Variants in JDP2 observed in about 807,000 individuals in gnomAD.
The protein encoded by JDP2 is progesterone receptor co-activator.
JDP2 carries 9 observed loss-of-function variants against 17.1 expected under a neutral mutation model. That is an observed-to-expected ratio of 0.53 (90% CI 0.32 to 0.92). The LOEUF is 0.92. JDP2 is among the 40% of genes least tolerant of loss of function. JDP2 has a pLI of 0.04. For missense variants in JDP2, 179 were observed against 220.0 expected (o/e 0.81, Z 1.18); for synonymous variants, 107 against 95.6 (o/e 1.12, Z -0.69).
chr14:75,434,164 A>G (rs1884951764), intron 1 of JDP2, among the ~76,000 whole-genome samples: 2 of 152,024 alleles, frequency 1.3e-5, no homozygotes, highest in Non-Finnish European at 2.9e-5. Flanking sequence ...CCTTTTTTAT[A>G]GATCCCTAAA....
intron 1 of JDP2, among the ~76,000 whole-genome samples, chr14:75,431,868 A>T (rs879375959): frequency 2.6e-5 from 4 of 152,236 alleles, no homozygotes; most frequent in Non-Finnish European, 5.9e-5. Context: ...GGCCACACTG[A>T]CTTCACTCTT....
At chr14:75,461,395 G>A (rs1886339994) in intron 2 of JDP2, 31 bp from the exon 3 acceptor site, 1 of 1,534,394 alleles carries the variant, frequency 6.5e-7, no homozygotes, top group Non-Finnish European at 8.9e-7. Context: ...GCCTGCCTCA[G>A]TGTCTAATCA....
rs953249808 is a variant in JDP2, at chr14:75,428,147, ACCGGGCGGAGCTCCGCGG to A, written c.-120_-103del. ...CTCCCGGGCCGGGACAGGCCTGGGC[ACCGGGCGGAGCTCCGCGG>A]CCGGGCGGCAGCGGCGCGGAGCGGG... On this transcript the variant is annotated 5_prime_UTR_variant, in exon 1 of 4. Transcript: ENST00000651602. This position sits in a 1 kb window ranked among gnomAD's most constrained non-coding sequence, Gnocchi z 5.6. The A allele has an allele frequency of 6.2e-5, 9 of 144,858 alleles. 1 individual carries two copies. The highest frequency in any genetic ancestry group is 2.1e-4 in the East Asian group (1 of 4,872). 9.0% of individuals were successfully genotyped at this position (144,858 alleles called of 1,614,324 possible). A position where few individuals can be genotyped will look rare whatever the true frequency, so the allele number is the denominator to read the frequency against.
chr14:75,437,462 G>C (rs887993554), intron 1 of JDP2, among the ~76,000 whole-genome samples: 1 of 152,242 alleles, frequency 6.6e-6, no homozygotes, highest in Non-Finnish European at 1.5e-5. Flanking sequence ...TCTCTTCAGA[G>C]ACTGTATGCT....
At chr14:75,462,431 A>G (rs1012829039) in intron 3 of JDP2, among the ~76,000 whole-genome samples, 6 of 152,228 alleles carry the variant, frequency 3.9e-5, no homozygotes, top group Non-Finnish European at 5.9e-5. Flanking sequence ...GCTGTGCTGA[A>G]TGCTGTATGT....
chr14:75,441,068 C>G (rs992109765), intron 2 of JDP2, among the ~76,000 whole-genome samples: 1 of 152,130 alleles, frequency 6.6e-6, no homozygotes, highest in Non-Finnish European at 1.5e-5. Context: ...ATGACATTGT[C>G]TGATGAGTGC....
intron 2 of JDP2, among the ~76,000 whole-genome samples, chr14:75,452,902 T>A (rs1469635162): frequency 6.6e-6 from 1 of 152,224 alleles, no homozygotes; most frequent in Non-Finnish European, 1.5e-5. Flanking sequence ...ATTTCACAGC[T>A]GAGGCCCAGA....
intron 2 of JDP2, among the ~76,000 whole-genome samples, chr14:75,456,295 C>G (rs1317808485): frequency 6.6e-6 from 1 of 152,256 alleles, no homozygotes; most frequent in Admixed American, 6.5e-5. Context: ...GCATGTTTCT[C>G]TCCCTGTGGC....
intron 2 of JDP2, among the ~76,000 whole-genome samples, chr14:75,450,347 G>A (rs1460949908): frequency 1.3e-5 from 2 of 152,232 alleles, no homozygotes; most frequent in Admixed American, 1.3e-4. Context: ...TTCCTGGCCT[G>A]AGGATGCAGC....
chr14:75,436,448 A>G (rs934052828), intron 1 of JDP2, among the ~76,000 whole-genome samples: 1 of 152,238 alleles, frequency 6.6e-6, no homozygotes, highest in African/African-American at 2.4e-5. Flanking sequence ...TTCCCTCAGG[A>G]GTGCTAAGCC....
rs975673627 is a variant in JDP2, at chr14:75,428,552, TC to T, written c.-24+302del. On this transcript the variant is annotated intron_variant, in intron 1 of 3. Coordinates refer to ENST00000651602, the MANE Select transcript of JDP2 (RefSeq NM_001135048.2). The surrounding 1 kb of genome is among the most constrained non-coding windows in gnomAD (Gnocchi z 5.6). ...CTCCCTCCTTCTCCCTCCCGCGCTC[TC>T]CTCCCCCGTCCGTTTGCAGGGAGGT... The T allele has an allele frequency of 6.6e-6, 1 of 152,108 alleles. No homozygotes were observed. Among genetic ancestry groups the T allele is most frequent in the Non-Finnish European group, 1.5e-5 (1 of 68,042 alleles). The allele number at this position is 152,108 out of a possible 1,614,324, so 9.4% of individuals were successfully genotyped here. A position where few individuals can be genotyped will look rare whatever the true frequency, so the allele number is the denominator to read the frequency against.
In JDP2 at chr14:75,468,540, TC is replaced by T. The variant is rs1483387038; in HGVS notation, c.307-747del. Reference sequence around the variant, plus strand: ...CGATGGACATGTAACCCTCGCCACCTCCCGAATCAAATCGTCAACATTCCTT... The same window carrying T: ...CGATGGACATGTAACCCTCGCCACCTCCGAATCAAATCGTCAACATTCCTT... On this transcript the variant is annotated intron_variant, in intron 3 of 3. Transcript: ENST00000651602. Among the ~76,000 whole-genome samples the T allele has an allele frequency of 2.0e-5, 3 of 152,254 alleles. No individual in the cohort carries two copies. In the South Asian group the frequency reaches 6.2e-4, roughly 32 times the overall value.
chr14:75,440,014 C>A (rs1258336810), intron 2 of JDP2, among the ~76,000 whole-genome samples: 1 of 152,182 alleles, frequency 6.6e-6, no homozygotes, highest in Non-Finnish European at 1.5e-5. Context: ...ACTGGAGGAA[C>A]TCTTCCCTTT....
chr14:75,445,547 G>T lies in JDP2; in HGVS notation c.201+7426G>T, dbSNP rs1407294173. The T allele has an allele frequency of 1.2e-5, 12 of 985,258 alleles. No individual in the cohort carries two copies. The Admixed American group carries it at 6.8e-4, about 56-fold the overall frequency. 61.0% of individuals were successfully genotyped at this position (985,258 alleles called of 1,614,324 possible). A position where few individuals can be genotyped will look rare whatever the true frequency, so the allele number is the denominator to read the frequency against. ...GGCAATGTAGCAAAGCAGGACTGCTGCATTGGAATAGTTTGGCTCTGGAGA... is the reference window on the plus strand; with the variant it reads ...GGCAATGTAGCAAAGCAGGACTGCTTCATTGGAATAGTTTGGCTCTGGAGA... On this transcript the variant is annotated intron_variant, in intron 2 of 3. Coordinates refer to ENST00000651602, the MANE Select transcript of JDP2 (RefSeq NM_001135048.2).
intron 2 of JDP2, among the ~76,000 whole-genome samples, chr14:75,450,075 T>G (rs1206210772): frequency 6.6e-6 from 1 of 151,956 alleles, no homozygotes; most frequent in Non-Finnish European, 1.5e-5. Context: ...CAAAAGAAGG[T>G]TTTTACTATG....
intron 1 of JDP2, chr14:75,432,067 A>G (rs1021382975): frequency 1.8e-6 from 1 of 567,050 alleles, no homozygotes; most frequent in South Asian, 2.2e-5. Context: ...CACTCAGGTG[A>G]TCTGGCTCCA....
chr14:75,427,765 T>C (rs1208412551), upstream of JDP2: 1 of 152,104 alleles, frequency 6.6e-6, no homozygotes, highest in Non-Finnish European at 1.5e-5. This position sits in a 1 kb window ranked among gnomAD's most constrained non-coding sequence, Gnocchi z 4.4. Context: ...GCCGGGGGAC[T>C]GCATGGAACC....
intron 2 of JDP2, among the ~76,000 whole-genome samples, chr14:75,458,674 G>A (rs1262124964): frequency 6.6e-6 from 1 of 152,154 alleles, no homozygotes; most frequent in African/African-American, 2.4e-5. Flanking sequence ...ATTCCTTGGG[G>A]TATATACTCA....
In JDP2 at chr14:75,443,565, T is replaced by TA. The variant is rs1031151141; in HGVS notation, c.201+5455dup. On this transcript the variant is annotated intron_variant, in intron 2 of 3. Transcript: ENST00000651602. Reference sequence around the variant, plus strand: ...AGCACATTTTCGAAAGCTGTTAGCTTAAAAAAAAAAATTAAATTTGAGGGA... The same window carrying TA: ...AGCACATTTTCGAAAGCTGTTAGCTTAAAAAAAAAAAATTAAATTTGAGGGA... 4.0e-3 allele frequency among the ~76,000 whole-genome samples: 596 copies of TA among 148,896 alleles called. 3 individuals are homozygous for TA. The highest frequency in any genetic ancestry group is 0.025 in the South Asian group (120 of 4,720).
Sources: gnomAD v4.1 joint callset for allele counts (sites outside exome capture counted in the v4.1 genomes callset) on GRCh38, gnomAD v4.1.1 for gene constraint, Gnocchi (gnomAD v3.1) non-coding constraint, MANE v1.5 for transcripts, NCBI Gene and HGNC (gene_info 2026-07-23, HGNC 2026-07-21) for gene names.